The following SLC25A26 variants were observed in gnomAD, a reference collection of about 807,000 sequenced individuals.
SLC25A26 encodes the protein solute carrier family 25 member 26.
A neutral mutation model predicts 37.8 loss-of-function variants in SLC25A26; 36 were observed. The ratio of observed to expected loss-of-function variants is 0.95; its 90% CI spans 0.73 to 1.26. SLC25A26 has a LOEUF of 1.26. Ranked by LOEUF, SLC25A26 falls within the 50% of genes most tolerant of loss-of-function variation. The probability of loss-of-function intolerance (pLI) is 0.00; values close to 1 mark genes in which losing one functional copy is unlikely to be tolerated. For missense variants in SLC25A26, 390 were observed against 331.1 expected, an observed-to-expected ratio of 1.18 and a Z score of -1.38; for synonymous variants, 129 against 122.5, an observed-to-expected ratio of 1.05 and a Z score of -0.35.
intron 5 of SLC25A26, among the ~76,000 whole-genome samples, chr3:66,267,618 T>C (rs922773): frequency 0.094 from 14,356 of 152,258 alleles, 891 homozygotes; most frequent in Middle Eastern, 0.14. Flanking sequence ...GCCATTTTAA[T>C]AACAAATAAC....
At position 66,248,338 on chromosome 3, in the gene SLC25A26, A is replaced by G. The variant is rs548738896; in HGVS notation, c.300+5026A>G. On this transcript the variant is annotated intron_variant, in intron 3 of 9. Coordinates refer to ENST00000354883, the MANE Select transcript of SLC25A26 (RefSeq NM_001379210.1). Reference sequence around the variant, plus strand: ...TGCTTGTGCCGTTTTTATTAGGAAGATTGCTGTGCCAAATCTCTAAATCTC... The same window carrying G: ...TGCTTGTGCCGTTTTTATTAGGAAGGTTGCTGTGCCAAATCTCTAAATCTC... 5.9e-5 allele frequency among the ~76,000 whole-genome samples: 9 copies of G among 152,318 alleles called. No homozygotes were observed. The South Asian group carries it at 1.9e-3, about 32-fold the overall frequency.
chr3:66,192,182 G>T (rs894670746), intron 1 of SLC25A26, among the ~76,000 whole-genome samples: 1 of 151,884 alleles, frequency 6.6e-6, no homozygotes, highest in African/African-American at 2.4e-5. Flanking sequence ...TGGGTGTGGT[G>T]GTGGGTGCCT....
At chr3:66,214,193 A>G (rs2071327231) in intron 1 of SLC25A26, among the ~76,000 whole-genome samples, 1 of 151,910 alleles carries the variant, frequency 6.6e-6, no homozygotes, top group South Asian at 2.1e-4. Flanking sequence ...AGTTCACATG[A>G]GAGCTGGTTG....
intron 3 of SLC25A26, among the ~76,000 whole-genome samples, chr3:66,259,573 C>G (rs2073441393): frequency 6.6e-6 from 1 of 152,210 alleles, no homozygotes; most frequent in African/African-American, 2.4e-5. Flanking sequence ...TCCTTAACCT[C>G]CTGTCAGTGA....
chr3:66,246,669 C>T (rs1230665915), intron 3 of SLC25A26, among the ~76,000 whole-genome samples: 2 of 152,036 alleles, frequency 1.3e-5, no homozygotes, highest in Non-Finnish European at 2.9e-5. Context: ...ACATTCTTAC[C>T]TACATTGTGT....
intron 3 of SLC25A26, among the ~76,000 whole-genome samples, chr3:66,249,463 C>T (rs1016918151): frequency 6.6e-6 from 1 of 152,200 alleles, no homozygotes; most frequent in Non-Finnish European, 1.5e-5. Context: ...GCACATTTTA[C>T]TGAGTTTTTC....
chr3:66,266,122 G>A (rs575314134), intron 5 of SLC25A26, among the ~76,000 whole-genome samples: 12 of 152,082 alleles, frequency 7.9e-5, no homozygotes, highest in Admixed American at 1.3e-4. Flanking sequence ...AAATGGCAGC[G>A]TTTTGTTGGA....
chr3:66,315,086 T>A (rs1385237899), intron 5 of SLC25A26, among the ~76,000 whole-genome samples: 2 of 151,516 alleles, frequency 1.3e-5, no homozygotes, highest in African/African-American at 4.8e-5. Flanking sequence ...TTTGATTTTT[T>A]TTTTTTTTTT....
chr3:66,309,687 G>C (rs148722196), intron 5 of SLC25A26, among the ~76,000 whole-genome samples: 1 of 152,296 alleles, frequency 6.6e-6, no homozygotes, highest in East Asian at 1.9e-4. Flanking sequence ...GTGTCCCAGA[G>C]ATTCTGGTAT....
chr3:66,200,508 A>G (rs2071095523), intron 1 of SLC25A26, among the ~76,000 whole-genome samples: 1 of 152,224 alleles, frequency 6.6e-6, no homozygotes, highest in African/African-American at 2.4e-5. Flanking sequence ...AATAAAAGGT[A>G]TTACAAAGAC....
chr3:66,305,288 A>G (rs751731589), intron 5 of SLC25A26, among the ~76,000 whole-genome samples: 1 of 152,196 alleles, frequency 6.6e-6, no homozygotes, highest in Non-Finnish European at 1.5e-5. Context: ...CATGTCTTTT[A>G]TCTCAAATGG....
chr3:66,234,037 A>G (rs1320712573), intron 1 of SLC25A26, among the ~76,000 whole-genome samples: 2 of 152,198 alleles, frequency 1.3e-5, no homozygotes, highest in African/African-American at 2.4e-5. Context: ...CCAGGGTTCT[A>G]TTCTCTCTGT....
intron 5 of SLC25A26, among the ~76,000 whole-genome samples, chr3:66,330,006 G>A (rs1349479166): frequency 1.3e-5 from 2 of 152,126 alleles, no homozygotes; most frequent in African/African-American, 4.8e-5. Context: ...TGTGCCAGAT[G>A]CTGTTCTAGG....
intron 1 of SLC25A26, among the ~76,000 whole-genome samples, chr3:66,209,410 T>C (rs1409414678): frequency 7.1e-6 from 1 of 140,704 alleles, no homozygotes; most frequent in Non-Finnish European, 1.5e-5. Context: ...TATATGTGTA[T>C]ATGTATATAT....
chr3:66,168,924 C>A (rs758771215), intron 1 of SLC25A26, among the ~76,000 whole-genome samples: 38 of 152,268 alleles, frequency 2.5e-4, no homozygotes, highest in Non-Finnish European at 5.3e-4. Flanking sequence ...GAGTTCAAGA[C>A]CCGATTGAGC....
chr3:66,196,588 A>G (rs954230308), intron 1 of SLC25A26, among the ~76,000 whole-genome samples: 5 of 152,222 alleles, frequency 3.3e-5, no homozygotes, highest in African/African-American at 1.2e-4. Flanking sequence ...GTGGATATAC[A>G]ACACATTATT....
chr3:66,207,122 T>C (rs1317190783), intron 1 of SLC25A26, among the ~76,000 whole-genome samples: 1 of 152,062 alleles, frequency 6.6e-6, no homozygotes, highest in African/African-American at 2.4e-5. Flanking sequence ...CTTAGCTTTT[T>C]AGATGGATAC....
rs1284526087 is a variant in SLC25A26 at position 66,378,392 on chromosome 3, A to AAT, written c.*586_*587dup. The AAT allele has an allele frequency of 2.0e-5, 3 of 152,950 alleles. No homozygotes were observed. The East Asian group carries it at 5.8e-4, about 29-fold the overall frequency. The allele number at this position is 152,950 out of a possible 1,614,324, so 9.5% of individuals were successfully genotyped here. ...TCAGATTTCACCCATAAAAACGCAC[A>AAT]ATTGTATTATTTTACAGAGATGTGT... On this transcript the variant is annotated 3_prime_UTR_variant, in exon 10 of 10. Transcript: ENST00000354883.
At chr3:66,372,796 G>A (rs775076638) in intron 9 of SLC25A26, among the ~76,000 whole-genome samples, 18 of 152,326 alleles carry the variant, frequency 1.2e-4, no homozygotes, top group Middle Eastern at 3.4e-3. Context: ...CAGCCTGAAG[G>A]TATCTCTGCC....
Sources: gnomAD v4.1 joint callset for allele counts (sites outside exome capture counted in the v4.1 genomes callset) on GRCh38, gnomAD v4.1.1 for gene constraint, MANE v1.5 for transcripts, NCBI Gene and HGNC (gene_info 2026-07-23, HGNC 2026-07-21) for gene names.